Variants in TRPM3 observed in about 807,000 individuals in gnomAD.
TRPM3 encodes the protein long transient receptor potential channel 3.
Under a neutral mutation model 181.2 loss-of-function variants are expected in TRPM3, and 77 were observed. That is an observed-to-expected ratio of 0.42 (90% CI 0.35 to 0.51). The LOEUF is 0.51. TRPM3 is among the 20% of genes least tolerant of loss of function. The pLI, the probability that TRPM3 is intolerant of heterozygous loss-of-function variation, is 0.01. For synonymous variants in TRPM3, 745 were observed against 796.4 expected, an observed-to-expected ratio of 0.94 and a Z score of 1.09; for missense variants, 1,759 against 2,196.7, an observed-to-expected ratio of 0.80 and a Z score of 3.98.
In TRPM3 at chr9:70,532,738, A is replaced by AT. The variant is rs1364511182; in HGVS notation, c.*3214dup. 1.3e-5 allele frequency: 2 copies of AT among 152,228 alleles called. No homozygotes were observed. Among genetic ancestry groups the AT allele is most frequent in the Non-Finnish European group, 2.9e-5 (2 of 68,042 alleles). The allele number at this position is 152,228 out of a possible 1,614,324, so 9.4% of individuals were successfully genotyped here. ...TGAAGCAGATGATTAAACCGAAGCTATTACTTCCTTGAGCTCTCTATGACT... is the reference window on the plus strand; with the variant it reads ...TGAAGCAGATGATTAAACCGAAGCTATTTACTTCCTTGAGCTCTCTATGACT... On this transcript the variant is annotated 3_prime_UTR_variant, in exon 26 of 26. Coordinates refer to ENST00000677713, the MANE Select transcript of TRPM3 (RefSeq NM_001366145.2).
At chr9:71,176,401 T>C (rs1928538) in intron 1 of TRPM3, among the ~76,000 whole-genome samples, 61,470 of 151,946 alleles carry the variant, frequency 0.4, 12,737 homozygotes, top group East Asian at 0.52. Flanking sequence ...TAACATACTT[T>C]TTAATTGAAA....
At chr9:70,936,726 T>G (rs2133483547) in intron 1 of TRPM3, among the ~76,000 whole-genome samples, 1 of 152,326 alleles carries the variant, frequency 6.6e-6, no homozygotes, top group South Asian at 2.1e-4. Flanking sequence ...TAGATTTTTA[T>G]GACTCAGTGG....
intron 1 of TRPM3, among the ~76,000 whole-genome samples, chr9:70,943,710 ACT>A (rs2096906574): frequency 6.6e-6 from 1 of 152,142 alleles, no homozygotes; most frequent in Non-Finnish European, 1.5e-5. Context: ...CAGTCTTCAA[ACT>A]CTCTGATGCT....
At chr9:70,921,291 T>C (rs2096650604) in intron 1 of TRPM3, among the ~76,000 whole-genome samples, 1 of 152,198 alleles carries the variant, frequency 6.6e-6, no homozygotes, top group South Asian at 2.1e-4. Context: ...GCCTTTAGAT[T>C]AAAGGGTAAT....
chr9:70,850,413 G>A (rs938275107), intron 3 of TRPM3, among the ~76,000 whole-genome samples: 2 of 151,944 alleles, frequency 1.3e-5, no homozygotes, highest in Non-Finnish European at 2.9e-5. Flanking sequence ...TATAATGAAT[G>A]CTATAAAATA....
At chr9:71,410,572 C>T (rs536301113) in intron 1 of TRPM3, among the ~76,000 whole-genome samples, 52 of 152,122 alleles carry the variant, frequency 3.4e-4, no homozygotes, top group Non-Finnish European at 6.3e-4. Flanking sequence ...AAGTTGAATC[C>T]CTGAATAGAC....
intron 1 of TRPM3, among the ~76,000 whole-genome samples, chr9:70,973,849 T>C (rs550643462): frequency 1.3e-5 from 2 of 152,332 alleles, no homozygotes; most frequent in East Asian, 1.9e-4. Context: ...TCACACAGCA[T>C]AGAATTTGTC....
intron 1 of TRPM3, among the ~76,000 whole-genome samples, chr9:71,171,884 G>GA (rs1405723578): frequency 2.9e-5 from 4 of 139,530 alleles, no homozygotes; most frequent in Admixed American, 1.5e-4. Context: ...TTTGGAGGGG[G>GA]AGGGTGTTAG....
At chr9:70,622,992 T>A (rs2133242314) in intron 14 of TRPM3, among the ~76,000 whole-genome samples, 1 of 152,300 alleles carries the variant, frequency 6.6e-6, no homozygotes, top group South Asian at 2.1e-4. Flanking sequence ...ATCCCTGTTG[T>A]TAAATTTTAG....
chr9:71,034,012 C>T (rs2057866162), intron 1 of TRPM3, among the ~76,000 whole-genome samples: 1 of 152,168 alleles, frequency 6.6e-6, no homozygotes, highest in Non-Finnish European at 1.5e-5. Flanking sequence ...TGGGAAGAAA[C>T]TGGAGTACTC....
At chr9:70,823,015 G>T (rs1261913294) in intron 6 of TRPM3, among the ~76,000 whole-genome samples, 1 of 152,024 alleles carries the variant, frequency 6.6e-6, no homozygotes, top group Non-Finnish European at 1.5e-5. Context: ...CAGCATCTCT[G>T]GCATCCTGAC....
intron 1 of TRPM3, among the ~76,000 whole-genome samples, chr9:71,342,299 T>C (rs2091014826): frequency 6.7e-6 from 1 of 148,984 alleles, no homozygotes; most frequent in African/African-American, 2.4e-5. Context: ...TACTCTTTTA[T>C]TCAGCAATTC....
At chr9:71,186,082 C>T (rs2077660872) in intron 1 of TRPM3, among the ~76,000 whole-genome samples, 1 of 152,028 alleles carries the variant, frequency 6.6e-6, no homozygotes, top group South Asian at 2.1e-4. Flanking sequence ...TAACCTCTGA[C>T]TTCACGGCAT....
At chr9:70,761,998 G>A (rs2078235599) in intron 7 of TRPM3, among the ~76,000 whole-genome samples, 1 of 151,974 alleles carries the variant, frequency 6.6e-6, no homozygotes, top group South Asian at 2.1e-4. Context: ...TGTGTCTAAT[G>A]CCCTTTTCCT....
At chr9:70,565,381 A>G (rs951667911) in intron 22 of TRPM3, among the ~76,000 whole-genome samples, 2 of 151,954 alleles carry the variant, frequency 1.3e-5, no homozygotes, top group East Asian at 1.9e-4. Flanking sequence ...GCAACCTCCA[A>G]CTCCTGGGTT....
At chr9:70,965,103 T>C (rs2097172809) in intron 1 of TRPM3, among the ~76,000 whole-genome samples, 1 of 152,046 alleles carries the variant, frequency 6.6e-6, no homozygotes. Context: ...TGTCATGCTC[T>C]CAAATTATCC....
chr9:71,300,357 A>C (rs1031785482), intron 1 of TRPM3, among the ~76,000 whole-genome samples: 16 of 152,142 alleles, frequency 1.1e-4, no homozygotes, highest in African/African-American at 3.6e-4. Context: ...AAATTATTTA[A>C]TTGGATTTTT....
chr9:71,313,973 C>A (rs574148985), intron 1 of TRPM3, among the ~76,000 whole-genome samples: 1 of 152,160 alleles, frequency 6.6e-6, no homozygotes, highest in African/African-American at 2.4e-5. Flanking sequence ...GATCATATTC[C>A]TATCTTGTTT....
chr9:71,315,919 T>C (rs1048640150), intron 1 of TRPM3, among the ~76,000 whole-genome samples: 9 of 152,198 alleles, frequency 5.9e-5, no homozygotes, highest in Non-Finnish European at 1.2e-4. Context: ...TATAGTTTGG[T>C]TGGGCTATAG....
Sources: gnomAD v4.1 joint callset for allele counts (sites outside exome capture counted in the v4.1 genomes callset) on GRCh38, gnomAD v4.1.1 for gene constraint, MANE v1.5 for transcripts, NCBI Gene and HGNC (gene_info 2026-07-23, HGNC 2026-07-21) for gene names.